Variants in ATG5 observed in about 807,000 individuals in gnomAD.
The protein encoded by ATG5 is autophagy protein 5.
In ATG5, 14 loss-of-function variants were observed where a neutral mutation model predicts 36.5. The ratio of observed to expected loss-of-function variants is 0.38; its 90% CI spans 0.25 to 0.60. ATG5 has a LOEUF of 0.60. ATG5 is among the 20% of genes least tolerant of loss of function. The pLI is 0.60. For missense variants in ATG5, 195 were observed against 326.7 expected (o/e 0.60, Z 3.11); for synonymous variants, 95 against 101.5 (o/e 0.94, Z 0.38).
At chr6:106,204,019 C>T (rs143494459) in intron 6 of ATG5, among the ~76,000 whole-genome samples, 1 of 152,074 alleles carries the variant, frequency 6.6e-6, no homozygotes, top group Admixed American at 6.5e-5. Flanking sequence ...CAACTGGGAG[C>T]TGAACAACGA....
At chr6:106,205,223 A>G (rs1162135192) in intron 6 of ATG5, among the ~76,000 whole-genome samples, 1 of 152,162 alleles carries the variant, frequency 6.6e-6, no homozygotes, top group African/African-American at 2.4e-5. Context: ...AGACAACTGG[A>G]GCTGGTGCAG....
At chr6:106,265,211 T>C (rs1330718628) in intron 5 of ATG5, among the ~76,000 whole-genome samples, 2 of 146,072 alleles carry the variant, frequency 1.4e-5, no homozygotes, top group South Asian at 4.3e-4. Flanking sequence ...TCCTAGTCCC[T>C]GATAAAACAG....
chr6:106,251,822 T>C (rs1055148838), intron 5 of ATG5, among the ~76,000 whole-genome samples: 3 of 151,218 alleles, frequency 2.0e-5, no homozygotes, highest in Non-Finnish European at 4.4e-5. Flanking sequence ...AATAACCAAG[T>C]GTCTTTCACA....
intron 7 of ATG5, 113 bp from the exon 8 acceptor site, chr6:106,186,789 T>C: frequency 8.0e-7 from 1 of 1,246,278 alleles, no homozygotes; most frequent in Non-Finnish European, 1.1e-6. Flanking sequence ...ACATGTTTTG[T>C]CCCCTGAACA....
chr6:106,293,383 T>G lies in ATG5; in HGVS notation c.237-277A>C, dbSNP rs370505224. ...TCTTTATCAGCCATGTGAACTGTTA[T>G]GTCACAGTACTGTTGCATCTAATTG... is the stretch of plus-strand genomic sequence containing the variant. On this transcript the variant is annotated intron_variant, in intron 3 of 7. Transcript: ENST00000369076. Among the ~76,000 whole-genome samples, 13 of 152,378 alleles carry G rather than the reference T, an allele frequency of 8.5e-5. No homozygotes were observed. In the East Asian group the frequency reaches 9.6e-4, roughly 11 times the overall value.
intron 3 of ATG5, among the ~76,000 whole-genome samples, chr6:106,297,762 AC>A: frequency 8.5e-6 from 1 of 117,786 alleles, no homozygotes; most frequent in Non-Finnish European, 1.8e-5. Context: ...ACACACACAC[AC>A]ACATATATAT....
intron 6 of ATG5, among the ~76,000 whole-genome samples, chr6:106,246,373 C>CTCTG (rs1192213812): frequency 1.1e-4 from 11 of 103,784 alleles, no homozygotes; most frequent in South Asian, 3.7e-4. Flanking sequence ...CTGTCTCTGT[C>CTCTG]TCTCTCTCTC....
intron 3 of ATG5, among the ~76,000 whole-genome samples, chr6:106,299,208 T>C (rs575001888): frequency 6.6e-6 from 1 of 152,226 alleles, no homozygotes; most frequent in African/African-American, 2.4e-5. Flanking sequence ...TTAAATGGCA[T>C]AGTATTTGCA....
chr6:106,279,140 T>C (rs1232292593), intron 5 of ATG5, among the ~76,000 whole-genome samples: 2 of 152,190 alleles, frequency 1.3e-5, no homozygotes, highest in Non-Finnish European at 2.9e-5. Flanking sequence ...GTTATTTACA[T>C]TCTCCAAAAT....
intron 5 of ATG5, among the ~76,000 whole-genome samples, chr6:106,270,948 C>T (rs1779431049): frequency 1.3e-5 from 2 of 152,166 alleles, no homozygotes; most frequent in Non-Finnish European, 2.9e-5. Flanking sequence ...GACTTTTCTC[C>T]ATCTCTCCCA....
chr6:106,205,496 C>T (rs538385909), intron 6 of ATG5, among the ~76,000 whole-genome samples: 2 of 151,996 alleles, frequency 1.3e-5, no homozygotes, highest in East Asian at 3.9e-4. Flanking sequence ...ATGCTTATAG[C>T]AAAAGATTAC....
intron 6 of ATG5, among the ~76,000 whole-genome samples, chr6:106,211,653 T>C (rs1272427423): frequency 6.6e-6 from 1 of 152,284 alleles, no homozygotes; most frequent in African/African-American, 2.4e-5. Flanking sequence ...AAGGTTGCAG[T>C]GAGCTGAGAT....
rs189435235 is a variant in ATG5, at chr6:106,306,629, C to T, written c.236+1735G>A. Among the ~76,000 whole-genome samples, 440 of 152,166 alleles carry T rather than the reference C, an allele frequency of 2.9e-3. 1 individual carries two copies. Among genetic ancestry groups the T allele is most frequent in the Non-Finnish European group, 3.5e-3 (240 of 68,012 alleles). On this transcript the variant is annotated intron_variant, in intron 3 of 7. Transcript: ENST00000369076. ...GCTTTACAATAAAACTGAAAAGCCC[C>T]GCTAGTCACACAAAATTCTGAGATA...
chr6:106,259,767 G>C (rs1778940678), intron 5 of ATG5, among the ~76,000 whole-genome samples: 1 of 152,086 alleles, frequency 6.6e-6, no homozygotes, highest in African/African-American at 2.4e-5. Flanking sequence ...AAATACCTGT[G>C]GGACAAAATC....
At chr6:106,319,947 A>G (rs939474708) in intron 1 of ATG5, among the ~76,000 whole-genome samples, 3 of 152,254 alleles carry the variant, frequency 2.0e-5, no homozygotes, top group African/African-American at 7.2e-5. Context: ...AATAAAAATT[A>G]GTTAACAGTA....
chr6:106,267,035 C>CAA (rs1779252766), intron 5 of ATG5, among the ~76,000 whole-genome samples: 1 of 151,346 alleles, frequency 6.6e-6, no homozygotes, highest in Non-Finnish European at 1.5e-5. Flanking sequence ...AAAGGGTATT[C>CAA]AAATAGGAAG....
At chr6:106,296,411 G>C (rs1359410920) in intron 3 of ATG5, among the ~76,000 whole-genome samples, 1 of 152,150 alleles carries the variant, frequency 6.6e-6, no homozygotes, top group Non-Finnish European at 1.5e-5. Flanking sequence ...CACTAAAACA[G>C]TAAGAATTTG....
intron 7 of ATG5, 58 bp downstream of exon 7, chr6:106,201,914 T>G: frequency 7.6e-7 from 1 of 1,314,864 alleles, no homozygotes; most frequent in South Asian, 1.4e-5. Context: ...GTGGAATGCT[T>G]ATTTTACTTC....
intron 1 of ATG5, among the ~76,000 whole-genome samples, chr6:106,323,573 T>C (rs892541112): frequency 2.6e-5 from 4 of 152,270 alleles, no homozygotes; most frequent in South Asian, 4.1e-4. Context: ...TCCGTAACCC[T>C]TGGAGTCGTC....
Sources: allele counts gnomAD v4.1 joint callset (sites outside exome capture counted in the v4.1 genomes callset), GRCh38; gene constraint gnomAD v4.1.1; transcripts MANE v1.5; gene names NCBI Gene and HGNC (gene_info 2026-07-23, HGNC 2026-07-21).